The following ZDHHC21 variants were observed in gnomAD, a reference collection of about 807,000 sequenced individuals.
ZDHHC21 encodes zDHHC palmitoyltransferase 21.
Under a neutral mutation model 34.6 loss-of-function variants are expected in ZDHHC21, and 15 were observed. That is an observed-to-expected ratio of 0.43 (90% CI 0.29 to 0.67). The LOEUF is 0.67. Among genes scored for constraint, ZDHHC21 ranks in the 30% least tolerant of loss-of-function variants. The probability of loss-of-function intolerance (pLI) is 0.14; values close to 1 mark genes in which losing one functional copy is unlikely to be tolerated. For missense variants in ZDHHC21, 344 were observed against 327.7 expected (o/e 1.05, Z -0.38); for synonymous variants, 142 against 101.8 (o/e 1.40, Z -2.38).
At chr9:14,631,885 T>C (rs1827407519) in intron 8 of ZDHHC21, among the ~76,000 whole-genome samples, 1 of 152,088 alleles carries the variant, frequency 6.6e-6, no homozygotes, top group African/African-American at 2.4e-5. Context: ...ACATCAAAGA[T>C]CACCAATCAT....
At chr9:14,596,325 A>T in the ZDHHC21 span, among the ~76,000 whole-genome samples, 1 of 152,224 alleles carries the variant, frequency 6.6e-6, no homozygotes, top group Non-Finnish European at 1.5e-5. Context: ...CTTCAGTGGC[A>T]ACATGAGGCT....
intron 4 of ZDHHC21, among the ~76,000 whole-genome samples, chr9:14,673,473 C>T (rs1318382897): frequency 6.6e-6 from 1 of 151,456 alleles, no homozygotes; most frequent in African/African-American, 2.4e-5. Context: ...ACAGATTTGG[C>T]CACCATAATT....
chr9:14,648,915 A>C (rs1440534214), intron 7 of ZDHHC21, among the ~76,000 whole-genome samples: 1 of 151,176 alleles, frequency 6.6e-6, no homozygotes, highest in African/African-American at 2.4e-5. Context: ...CTGTGTTTTT[A>C]TAAGACTACT....
At chr9:14,682,951 G>C (rs919643334) in intron 2 of ZDHHC21, among the ~76,000 whole-genome samples, 1 of 152,126 alleles carries the variant, frequency 6.6e-6, no homozygotes, top group Admixed American at 6.6e-5. Context: ...GGTACATAAC[G>C]AAATGAAGGC....
At chr9:14,684,841 G>A (rs892425111) in intron 2 of ZDHHC21, among the ~76,000 whole-genome samples, 2 of 152,140 alleles carry the variant, frequency 1.3e-5, no homozygotes, top group East Asian at 3.9e-4. Context: ...CATGGTACTG[G>A]TACCAAAACA....
chr9:14,665,581 T>C (rs1177866026), intron 5 of ZDHHC21, among the ~76,000 whole-genome samples: 1 of 149,130 alleles, frequency 6.7e-6, no homozygotes, highest in Non-Finnish European at 1.5e-5. Flanking sequence ...GGAAAAAATG[T>C]TAAGGGCAGC....
the ZDHHC21 span, among the ~76,000 whole-genome samples, chr9:14,605,609 T>C: frequency 1.3e-5 from 2 of 152,208 alleles, no homozygotes; most frequent in East Asian, 1.9e-4. Context: ...AATATGTGGT[T>C]TGAAAATACC....
intron 8 of ZDHHC21, among the ~76,000 whole-genome samples, chr9:14,632,058 C>A (rs1827447504): frequency 6.7e-6 from 1 of 148,584 alleles, no homozygotes; most frequent in Non-Finnish European, 1.5e-5. Context: ...AGTTAAAACA[C>A]ACACAAACAC....
the ZDHHC21 span, among the ~76,000 whole-genome samples, chr9:14,598,529 C>T: frequency 6.6e-6 from 1 of 151,862 alleles, no homozygotes; most frequent in Non-Finnish European, 1.5e-5. Context: ...AATGTAAGGA[C>T]ACAAGAAACA....
At chr9:14,625,398 G>C (rs1165585951) in intron 8 of ZDHHC21, among the ~76,000 whole-genome samples, 2 of 151,962 alleles carry the variant, frequency 1.3e-5, no homozygotes, top group African/African-American at 4.8e-5. Context: ...AAAGTGAGAA[G>C]GCAACAGATC....
the ZDHHC21 span, among the ~76,000 whole-genome samples, chr9:14,601,825 G>A: frequency 1.3e-5 from 2 of 152,120 alleles, no homozygotes; most frequent in Admixed American, 1.3e-4. Flanking sequence ...CATTAAAACG[G>A]ATGAGTTCAT....
intron 5 of ZDHHC21, among the ~76,000 whole-genome samples, chr9:14,670,123 G>C (rs948781646): frequency 3.9e-4 from 59 of 151,984 alleles, no homozygotes; most frequent in Non-Finnish European, 7.6e-4. Flanking sequence ...TTCACTAAAA[G>C]GCGATATAAA....
At chr9:14,622,451 C>A (rs946624865) in intron 8 of ZDHHC21, 2 of 869,658 alleles carry the variant, frequency 2.3e-6, no homozygotes, top group Non-Finnish European at 2.7e-6. Context: ...AAAGAGATAT[C>A]TCTTGGCTTG....
chr9:14,619,645 T>C lies in ZDHHC21; in HGVS notation c.659A>G (p.Glu220Gly). 7.1e-7 allele frequency: 1 copy of C among 1,416,550 alleles called. No individual in the cohort carries two copies. Among genetic ancestry groups the C allele is most frequent in the Non-Finnish European group, 9.7e-7 (1 of 1,030,742 alleles). The allele number at this position is 1,416,550 out of a possible 1,614,324, so 87.7% of individuals were successfully genotyped here. A position where few individuals can be genotyped will look rare whatever the true frequency, so the allele number is the denominator to read the frequency against. Residue 220 changes from glutamate to glycine, a missense_variant, in exon 9 of 10, where the codon GAA (glutamate) becomes GGA (glycine). Transcript: ENST00000380916. ...ACTTCAGTTTTATACTTACATATCT[T>C]CACAACAGTTTGACATCTTTTCAAT... Reference protein sequence around the residue: ...TSIEKMSNCCEDISRPRKPWQ... With the variant: ...TSIEKMSNCCGDISRPRKPWQ...
At chr9:14,662,946 A>C (rs1289853804) in intron 5 of ZDHHC21, among the ~76,000 whole-genome samples, 1 of 152,150 alleles carries the variant, frequency 6.6e-6, no homozygotes, top group African/African-American at 2.4e-5. Context: ...AGTAGTGAAA[A>C]ATGTTATAAG....
rs1204122732 is a variant in ZDHHC21 at position 14,619,629 on chromosome 9, T to G, written c.665+10A>C. 3 of 1,415,406 alleles carry G rather than the reference T, an allele frequency of 2.1e-6. No homozygotes were observed. The highest frequency in any genetic ancestry group is 2.9e-6 in the Non-Finnish European group (3 of 1,029,746). 87.7% of individuals were successfully genotyped at this position (1,415,406 alleles called of 1,614,324 possible). On this transcript the variant is annotated intron_variant, in intron 9 of 9. Coordinates refer to ENST00000380916, the MANE Select transcript of ZDHHC21 (RefSeq NM_178566.6). ...TTAAATAATACTATACACTTCAGTT[T>G]TATACTTACATATCTTCACAACAGT...
At chr9:14,660,249 C>T (rs749575026) in intron 6 of ZDHHC21, among the ~76,000 whole-genome samples, 1 of 151,512 alleles carries the variant, frequency 6.6e-6, no homozygotes, top group Non-Finnish European at 1.5e-5. Context: ...ACTTGTAATC[C>T]CAGCTACTCG....
Position 14,613,615 on chromosome 9 carries a change from G to C in ZDHHC21, c.*5351C>G, listed in dbSNP as rs763113161. 9 of 151,756 alleles carry C rather than the reference G, an allele frequency of 5.9e-5. No individual in the cohort carries two copies. Among genetic ancestry groups the C allele is most frequent in the Non-Finnish European group, 8.9e-5 (6 of 67,770 alleles). The allele number at this position is 151,756 out of a possible 1,614,324, so 9.4% of individuals were successfully genotyped here. ...AAAGCTATCGATACCAAAAAAATCA[G>C]TGTTGAACTGTTATAAGAACGACAT... On this transcript the variant is annotated 3_prime_UTR_variant, in exon 10 of 10. Coordinates refer to ENST00000380916, the MANE Select transcript of ZDHHC21 (RefSeq NM_178566.6).
Position 14,693,326 on chromosome 9 carries a change from G to A in ZDHHC21, c.-322C>T, listed in dbSNP as rs757906810. 7 of 412,814 alleles carry A rather than the reference G, an allele frequency of 1.7e-5. No individual in the cohort carries two copies. Among genetic ancestry groups the A allele is most frequent in the East Asian group, 1.2e-4 (1 of 8,220 alleles). 25.6% of individuals were successfully genotyped at this position (412,814 alleles called of 1,614,324 possible). A position where few individuals can be genotyped will look rare whatever the true frequency, so the allele number is the denominator to read the frequency against. On this transcript the variant is annotated 5_prime_UTR_variant, in exon 1 of 10. Transcript: ENST00000380916. ...CGCCACCTCCGCCTCCTCCGGCGCC[G>A]CCGCCCAGGCCGGGCCGCTCTCCCC...
Sources: allele counts gnomAD v4.1 joint callset (sites outside exome capture counted in the v4.1 genomes callset), GRCh38; gene constraint gnomAD v4.1.1; transcripts MANE v1.5; gene names NCBI Gene and HGNC (gene_info 2026-07-23, HGNC 2026-07-21).